PDE4D: variants seen among roughly 807,000 people sequenced by gnomAD.
PDE4D encodes the protein phosphodiesterase 4D.
In PDE4D, 24 loss-of-function variants were observed where a neutral mutation model predicts 87.4. The observed-to-expected ratio is 0.27, with a 90% CI of 0.20 to 0.39. The LOEUF (loss-of-function observed/expected upper bound fraction) is 0.39. Among genes scored for constraint, PDE4D ranks in the 10% least tolerant of loss-of-function variants. The pLI, the probability that PDE4D is intolerant of heterozygous loss-of-function variation, is 1.00. For synonymous variants in PDE4D, 384 were observed against 383.2 expected (o/e 1.00, Z -0.02); for missense variants, 714 against 1,041.0 (o/e 0.69, Z 4.32).
intron 1 of PDE4D, among the ~76,000 whole-genome samples, chr5:59,327,984 G>T (rs1482641928): frequency 6.6e-6 from 1 of 152,152 alleles, no homozygotes; most frequent in South Asian, 2.1e-4. Context: ...TTCTATAAGT[G>T]TATTTTATAC....
intron 5 of PDE4D, among the ~76,000 whole-genome samples, chr5:59,142,072 G>T (rs1032512887): frequency 6.6e-6 from 1 of 152,024 alleles, no homozygotes; most frequent in East Asian, 1.9e-4. Context: ...TCAGGTAAAT[G>T]AATGAATGAA....
intron 1 of PDE4D, among the ~76,000 whole-genome samples, chr5:59,792,402 C>CTGTG (rs3062592): frequency 0.022 from 3,074 of 138,828 alleles, 101 homozygotes; most frequent in African/African-American, 0.069. Flanking sequence ...CTCCAAGAAG[C>CTGTG]TGTGTGTGTG....
At chr5:60,171,017 G>T (rs1238674754) in intron 2 of PDE4D, among the ~76,000 whole-genome samples, 1 of 151,976 alleles carries the variant, frequency 6.6e-6, no homozygotes, top group Non-Finnish European at 1.5e-5. Flanking sequence ...TTGAAATAAA[G>T]AAACTATCTT....
chr5:59,655,999 TC>T (rs1213720745), intron 1 of PDE4D, among the ~76,000 whole-genome samples: 3 of 151,520 alleles, frequency 2.0e-5, no homozygotes, highest in Non-Finnish European at 2.9e-5. Flanking sequence ...CCTTTTTACT[TC>T]CCCCCTCCTC....
At chr5:59,865,881 A>G (rs539938515) in intron 1 of PDE4D, among the ~76,000 whole-genome samples, 2 of 152,368 alleles carry the variant, frequency 1.3e-5, no homozygotes, top group South Asian at 4.1e-4. Context: ...TAACTATAGT[A>G]AAGTGTGTGG....
chr5:59,020,480 TA>T (rs564551539), intron 6 of PDE4D, among the ~76,000 whole-genome samples: 111 of 144,842 alleles, frequency 7.7e-4, no homozygotes, highest in Admixed American at 1.1e-3. Flanking sequence ...CTCAGAAAAT[TA>T]AAAAAAAAAA....
At chr5:60,454,887 C>T (rs143410891) in intron 1 of PDE4D, among the ~76,000 whole-genome samples, 1,969 of 151,132 alleles carry the variant, frequency 0.013, 41 homozygotes, top group African/African-American at 0.045. Flanking sequence ...CATACATGAG[C>T]GGGGAGTGTA....
At chr5:60,246,863 A>G (rs886245475) in intron 1 of PDE4D, among the ~76,000 whole-genome samples, 1 of 151,896 alleles carries the variant, frequency 6.6e-6, no homozygotes, top group Admixed American at 6.6e-5. Flanking sequence ...AACTTGGTTG[A>G]ATGGTATCTT....
rs55821264 is a variant in PDE4D at position 59,616,918 on chromosome 5, CATATATATAT to C, written c.455+276240_455+276249del. Among the ~76,000 whole-genome samples, 63 of 62,906 alleles carry C rather than the reference CATATATATAT, an allele frequency of 1.0e-3. 2 individuals carry two copies. In the East Asian group the frequency reaches 0.018, roughly 18 times the overall value. 41.3% of individuals were successfully genotyped at this position (62,906 alleles called of 152,430 possible). A position where few individuals can be genotyped will look rare whatever the true frequency, so the allele number is the denominator to read the frequency against. The stretch of plus-strand genomic sequence containing the variant: ...GTGTATTACTTAGACCTAATAATTA[CATATATATAT>C]ATATATATATATATATATCTCCAAG... On this transcript the variant is annotated intron_variant, in intron 1 of 14. Transcript: ENST00000340635.
intron 1 of PDE4D, among the ~76,000 whole-genome samples, chr5:59,269,480 G>A (rs1264282254): frequency 6.6e-6 from 1 of 152,106 alleles, no homozygotes; most frequent in East Asian, 1.9e-4. Context: ...TATTTGAACT[G>A]CTACATTACC....
intron 3 of PDE4D, among the ~76,000 whole-genome samples, chr5:59,937,886 C>T (rs1485769726): frequency 6.6e-6 from 1 of 152,226 alleles, no homozygotes; most frequent in Non-Finnish European, 1.5e-5. Context: ...CGATCTTATG[C>T]TTCCTCTAAG....
At chr5:59,228,491 G>T (rs978135292) in intron 1 of PDE4D, among the ~76,000 whole-genome samples, 10 of 151,602 alleles carry the variant, frequency 6.6e-5, no homozygotes, top group African/African-American at 2.2e-4. Context: ...GTGTTGCGGG[G>T]TGTTTCTGTC....
intron 1 of PDE4D, among the ~76,000 whole-genome samples, chr5:59,298,781 A>C (rs929074093): frequency 1.3e-5 from 2 of 152,216 alleles, no homozygotes; most frequent in Admixed American, 1.3e-4. Context: ...ACTTGTAAAA[A>C]AAATTTAAAT....
chr5:59,783,743 A>T (rs1226735775), intron 1 of PDE4D, among the ~76,000 whole-genome samples: 2 of 152,238 alleles, frequency 1.3e-5, no homozygotes, highest in Admixed American at 1.3e-4. Flanking sequence ...ATCCTGGAAC[A>T]TTCCATGTAA....
chr5:60,249,289 G>A (rs1748158055), intron 1 of PDE4D, among the ~76,000 whole-genome samples: 1 of 151,998 alleles, frequency 6.6e-6, no homozygotes, highest in Non-Finnish European at 1.5e-5. Flanking sequence ...GGCTGGGTGT[G>A]TTCTATTAAA....
At chr5:59,337,029 T>C (rs1375882456) in intron 1 of PDE4D, among the ~76,000 whole-genome samples, 1 of 152,232 alleles carries the variant, frequency 6.6e-6, no homozygotes, top group Non-Finnish European at 1.5e-5. Flanking sequence ...AAAATTTTAC[T>C]GTGAGCAGGC....
intron 1 of PDE4D, among the ~76,000 whole-genome samples, chr5:60,299,998 C>A (rs1753750795): frequency 1.3e-5 from 2 of 152,158 alleles, no homozygotes; most frequent in Admixed American, 1.3e-4. Flanking sequence ...ACAGTTGAAC[C>A]AATTTACACT....
At chr5:58,996,112 G>A (rs1749163246) in intron 6 of PDE4D, among the ~76,000 whole-genome samples, 1 of 152,054 alleles carries the variant, frequency 6.6e-6, no homozygotes, top group South Asian at 2.1e-4. Context: ...CACAGGGAGG[G>A]GAACATCACA....
intron 2 of PDE4D, among the ~76,000 whole-genome samples, chr5:60,080,008 G>T (rs1773750630): frequency 6.6e-6 from 1 of 152,164 alleles, no homozygotes; most frequent in Non-Finnish European, 1.5e-5. Context: ...CTATCCATGA[G>T]GATGAAATGT....
Sources: allele counts gnomAD v4.1 joint callset (sites outside exome capture counted in the v4.1 genomes callset), GRCh38; gene constraint gnomAD v4.1.1; transcripts MANE v1.5; gene names NCBI Gene and HGNC (gene_info 2026-07-23, HGNC 2026-07-21).